Variants in UACA observed in about 807,000 individuals in gnomAD.
UACA encodes the protein uveal autoantigen with coiled-coil domains and ankyrin repeats, also known as nuclear membrane binding protein.
A neutral mutation model predicts 160.5 loss-of-function variants in UACA; 112 were observed. The ratio of observed to expected loss-of-function variants is 0.70; its 90% CI spans 0.60 to 0.82. UACA has a LOEUF of 0.82. UACA is among the 40% of genes least tolerant of loss of function. The pLI is 0.00. For missense variants in UACA, 1,574 were observed against 1,614.6 expected (o/e 0.97, Z 0.43); for synonymous variants, 557 against 568.4 (o/e 0.98, Z 0.29).
chr15:70,714,232 T>C (rs939378821), intron 1 of UACA, among the ~76,000 whole-genome samples: 1 of 152,216 alleles, frequency 6.6e-6, no homozygotes, highest in Non-Finnish European at 1.5e-5. Flanking sequence ...TGGCTAGAAA[T>C]ATTTCCCCCA....
chr15:70,770,951 T>C, the UACA span, among the ~76,000 whole-genome samples: 1 of 152,326 alleles, frequency 6.6e-6, no homozygotes, highest in South Asian at 2.1e-4. Flanking sequence ...TAAAACTACC[T>C]TGGGGAATTC....
chr15:70,764,535 G>A (rs1400780284), upstream of UACA, among the ~76,000 whole-genome samples: 1 of 152,158 alleles, frequency 6.6e-6, no homozygotes, highest in South Asian at 2.1e-4. Context: ...CATTTGAAAA[G>A]ACAAACGGTC....
At position 70,657,922 on chromosome 15, in the gene UACA, T is replaced by TA. The variant is rs67011580; in HGVS notation, c.4180-796dup. 1.1e-3 allele frequency among the ~76,000 whole-genome samples: 153 copies of TA among 138,686 alleles called. 1 individual carries two copies. The highest frequency in any genetic ancestry group is 4.4e-3 in the East Asian group (21 of 4,720). 91.0% of individuals were successfully genotyped at this position (138,686 alleles called of 152,430 possible). On this transcript the variant is annotated intron_variant, in intron 18 of 18. Transcript: ENST00000322954. ...TACAGTGGAGACTGTCGCAAAAACT[T>TA]AAAAAAAAAAAAAAAAAATTAGCTG...
chr15:70,673,214 A>C (rs1388403629), intron 13 of UACA, among the ~76,000 whole-genome samples: 3 of 152,066 alleles, frequency 2.0e-5, no homozygotes, highest in Non-Finnish European at 4.4e-5. Flanking sequence ...GGTCAAGGCT[A>C]CAGTGAGTGG....
At chr15:70,673,275 AAAAAC>A (rs1470467010) in intron 13 of UACA, among the ~76,000 whole-genome samples, 5 of 152,106 alleles carry the variant, frequency 3.3e-5, no homozygotes, top group African/African-American at 1.2e-4. Context: ...ATCCTGTCTC[AAAAAC>A]AAAACAAAAC....
chr15:70,739,871 CA>C (rs1899476075), intron 1 of UACA, among the ~76,000 whole-genome samples: 1 of 152,160 alleles, frequency 6.6e-6, no homozygotes, highest in Non-Finnish European at 1.5e-5. Flanking sequence ...ATCTCATCTC[CA>C]ACCCTTCTCT....
At chr15:70,714,524 A>G (rs1316164896) in intron 1 of UACA, among the ~76,000 whole-genome samples, 1 of 152,192 alleles carries the variant, frequency 6.6e-6, no homozygotes, top group Non-Finnish European at 1.5e-5. Flanking sequence ...ATATCCTATC[A>G]ATCATTTTCC....
the UACA span, among the ~76,000 whole-genome samples, chr15:70,773,260 C>T: frequency 1.3e-5 from 2 of 152,158 alleles, no homozygotes; most frequent in East Asian, 1.9e-4. Context: ...TTTGGCAGCA[C>T]GGGTGTTATT....
At chr15:70,720,993 A>C (rs1488788233) in intron 1 of UACA, among the ~76,000 whole-genome samples, 1 of 152,228 alleles carries the variant, frequency 6.6e-6, no homozygotes, top group Admixed American at 6.5e-5. Context: ...GAAAATGTGG[A>C]GTGCAGCCAC....
intron 13 of UACA, among the ~76,000 whole-genome samples, chr15:70,674,237 T>G (rs1436735409): frequency 1.3e-5 from 2 of 152,246 alleles, no homozygotes; most frequent in South Asian, 4.1e-4. Flanking sequence ...ATTTTCTGTT[T>G]GAAAGTAAAA....
chr15:70,775,803 C>T, the UACA span, among the ~76,000 whole-genome samples: 2 of 152,286 alleles, frequency 1.3e-5, no homozygotes, highest in East Asian at 1.9e-4. Flanking sequence ...CCCATGTGAG[C>T]GCCTGAGAAG....
At chr15:70,690,242 G>C (rs1897882140) in intron 5 of UACA, among the ~76,000 whole-genome samples, 1 of 151,766 alleles carries the variant, frequency 6.6e-6, no homozygotes, top group Non-Finnish European at 1.5e-5. Context: ...TGTACCTTTA[G>C]TATCTAGCAA....
At chr15:70,724,964 A>C (rs1355467361) in intron 1 of UACA, among the ~76,000 whole-genome samples, 3 of 151,968 alleles carry the variant, frequency 2.0e-5, no homozygotes. Context: ...GGTGGCAAGC[A>C]CCTTGTAGTC....
Position 70,666,923 on chromosome 15 carries a change from T to A in UACA, c.3761A>T (p.Tyr1254Phe), listed in dbSNP as rs758240181. The A allele has an allele frequency of 2.5e-6, 4 of 1,613,212 alleles. No individual in the cohort carries two copies. Among genetic ancestry groups the A allele is most frequent in the Non-Finnish European group, 3.4e-6 (4 of 1,179,870 alleles). The change falls in exon 16 of 19, where the codon TAT becomes TTT. Residue 1254 changes from tyrosine (Y) to phenylalanine (F), a missense_variant. Transcript: ENST00000322954. The part of the protein sequence containing the change: ...NEKLANLNRK[Y>F]EEVCEEVLHA... The stretch of plus-strand genomic sequence containing the variant: ...CAAAACTTCCTCACATACTTCCTCA[T>A]ACTTTCTATTCAGATTGGCCAATTT...
Position 70,669,302 on chromosome 15 carries a change from A to C in UACA, c.1382T>G (p.Leu461Arg). The C allele has an allele frequency of 6.2e-7, 1 of 1,614,098 alleles. No homozygotes were observed. ...GTGTGCCAGTTCATTTTGGAGCTTC[A>C]GTCGGTCTTGTTTTGCTGACTCACA... ...TFCESAKQDRLKLQNELAHKV... is the reference protein window; with the variant it reads ...TFCESAKQDRRKLQNELAHKV... Residue 461 changes from leucine to arginine, a missense_variant, in exon 16 of 19, where the codon CTG becomes CGG. Coordinates refer to ENST00000322954, the MANE Select transcript of UACA (RefSeq NM_018003.4).
At chr15:70,728,823 T>A (rs1899228548) in intron 1 of UACA, among the ~76,000 whole-genome samples, 1 of 152,056 alleles carries the variant, frequency 6.6e-6, no homozygotes. Context: ...TAAATCTATA[T>A]GTAACTTAAT....
At position 70,671,982 on chromosome 15, in the gene UACA, C is replaced by G. The variant is rs774221009; in HGVS notation, c.1151G>C (p.Gly384Ala). 6.3e-7 allele frequency: 1 copy of G among 1,595,288 alleles called. No homozygotes were observed. The change falls in exon 14 of 19, where the codon GGA (glycine) becomes GCA (alanine). Residue 384 changes from glycine to alanine, a missense_variant. Transcript: ENST00000322954. ...ATACTTACGGTTACTGAAATGACTT[C>G]CTGATCCTAAATGATCACTCTGAAA... ...KYFESDHLGS[G>A]SHFSNRKEDM...
At chr15:70,674,485 T>G (rs138272168) in intron 13 of UACA, among the ~76,000 whole-genome samples, 174 of 152,282 alleles carry the variant, frequency 1.1e-3, no homozygotes, top group Middle Eastern at 3.4e-3. Flanking sequence ...TACTTTCTTA[T>G]TTTTCTAAAG....
chr15:70,694,481 C>T (rs1006443553), intron 3 of UACA, among the ~76,000 whole-genome samples: 2 of 152,118 alleles, frequency 1.3e-5, no homozygotes, highest in African/African-American at 2.4e-5. Flanking sequence ...ATTCTGACTG[C>T]GACTTAGCTA....
Sources: allele counts gnomAD v4.1 joint callset (sites outside exome capture counted in the v4.1 genomes callset), GRCh38; gene constraint gnomAD v4.1.1; transcripts MANE v1.5; gene names NCBI Gene and HGNC (gene_info 2026-07-23, HGNC 2026-07-21).